ABHD2: variants seen among roughly 807,000 people sequenced by gnomAD.
ABHD2 encodes the protein monoacylglycerol lipase ABHD2.
A neutral mutation model predicts 48.1 loss-of-function variants in ABHD2; 20 were observed. The observed-to-expected ratio is 0.42, with a 90% confidence interval of 0.29 to 0.60. ABHD2 has a LOEUF of 0.60. Among genes scored for constraint, ABHD2 ranks in the 20% least tolerant of loss-of-function variants. The pLI is 0.24. For synonymous variants in ABHD2, 209 were observed against 214.2 expected (o/e 0.98, Z 0.21); for missense variants, 405 against 550.9 (o/e 0.74, Z 2.65).
chr15:89,056,724 C>G, the ABHD2 span, among the ~76,000 whole-genome samples: 1 of 152,096 alleles, frequency 6.6e-6, no homozygotes, highest in Non-Finnish European at 1.5e-5. Flanking sequence ...TCAGACCCAG[C>G]AGCACTACTT....
Position 89,089,462 on chromosome 15 carries a change from A to G in ABHD2, c.-107+899A>G, listed in dbSNP as rs115736525. Among the ~76,000 whole-genome samples the G allele has an allele frequency of 3.0e-3, 460 of 152,332 alleles. 3 individuals carry two copies. The highest frequency in any genetic ancestry group is 0.011 in the African/African-American group (438 of 41,584). On this transcript the variant is annotated intron_variant, in intron 1 of 10. Coordinates refer to ENST00000352732, the MANE Select transcript of ABHD2 (RefSeq NM_152924.5). ...GGATTATACAAAAAGATAGAGGTTT[A>G]TTTAGCCACTGTGAAACTCCTTGTA...
the ABHD2 span, chr15:89,070,292 G>C: frequency 6.6e-6 from 1 of 152,232 alleles, no homozygotes; most frequent in Non-Finnish European, 1.5e-5. Context: ...CTAAGCCTAA[G>C]TTCAGTGGGT....
chr15:89,175,996 G>T lies in ABHD2; in HGVS notation c.722+1G>T. The stretch of plus-strand genomic sequence containing the variant: ...TGTGCCAGGGGTACAGTGCACTGAG[G>T]TGAGTCATCTCCGCCTTCCATCAGG... On this transcript the variant is annotated splice_donor_variant, in intron 6 of 10. Coordinates refer to ENST00000352732, the MANE Select transcript of ABHD2 (RefSeq NM_152924.5). LOFTEE classifies it high-confidence loss of function. The surrounding 1 kb of genome is among the most constrained non-coding windows in gnomAD (Gnocchi z 5.7). 1 of 1,591,444 alleles carries T rather than the reference G, an allele frequency of 6.3e-7. No individual in the cohort carries two copies. The highest frequency in any genetic ancestry group is 8.6e-7 in the Non-Finnish European group (1 of 1,167,856).
chr15:89,154,772 C>A (rs2073149515), intron 4 of ABHD2, among the ~76,000 whole-genome samples: 1 of 152,164 alleles, frequency 6.6e-6, no homozygotes, highest in Admixed American at 6.5e-5. Flanking sequence ...ATTTATCCAA[C>A]CAGACCCCTA....
intron 1 of ABHD2, among the ~76,000 whole-genome samples, chr15:89,111,039 C>G (rs957718272): frequency 6.6e-5 from 10 of 152,200 alleles, no homozygotes; most frequent in Admixed American, 2.0e-4. Context: ...ATAGGTCTGA[C>G]TGGGTTTCCC....
At position 89,191,266 on chromosome 15, in the gene ABHD2, C is replaced by T. The variant is rs574506957; in HGVS notation, c.996+117C>T. 303 of 988,698 alleles carry T rather than the reference C, an allele frequency of 3.1e-4. 6 individuals are homozygous for T. In the South Asian group the frequency reaches 3.3e-3, roughly 11 times the overall value. The allele number at this position is 988,698 out of a possible 1,614,324, so 61.2% of individuals were successfully genotyped here. On this transcript the variant is annotated intron_variant, in intron 9 of 10. Coordinates refer to ENST00000352732, the MANE Select transcript of ABHD2 (RefSeq NM_152924.5). ...AGCTCAGCTGGAATCTGGCTCCAAC[C>T]GCTCTTTTAGCTTGGATTTGTTTAT...
chr15:89,192,509 CT>C lies in ABHD2; in HGVS notation c.997-711del, dbSNP rs767470768. On this transcript the variant is annotated intron_variant, in intron 9 of 10. Transcript: ENST00000352732. The stretch of plus-strand genomic sequence containing the variant: ...TCAACCTTCAGATTCTTTTTCTTTT[CT>C]TTTTTTTTTTTTTTAAAGAGACAGG... Among the ~76,000 whole-genome samples, 1,375 of 141,290 alleles carry C rather than the reference CT, an allele frequency of 9.7e-3. 7 individuals carry two copies. Among genetic ancestry groups the C allele is most frequent in the African/African-American group, 0.023 (899 of 38,862 alleles). The allele number at this position is 141,290 out of a possible 152,430, so 92.7% of individuals were successfully genotyped here. A position where few individuals can be genotyped will look rare whatever the true frequency, so the allele number is the denominator to read the frequency against.
the ABHD2 span, among the ~76,000 whole-genome samples, chr15:89,044,926 A>G: frequency 3.3e-5 from 5 of 150,448 alleles, no homozygotes; most frequent in Admixed American, 6.6e-5. Context: ...CCATTTGTCA[A>G]TTTTGGCTTT....
At chr15:89,086,258 C>G (rs557834620), upstream of ABHD2, among the ~76,000 whole-genome samples, 1 of 152,264 alleles carries the variant, frequency 6.6e-6, no homozygotes, top group South Asian at 2.1e-4. Context: ...AACTGCTGAC[C>G]TCAGGTGATC....
intron 1 of ABHD2, among the ~76,000 whole-genome samples, chr15:89,110,488 A>AT (rs749560500): frequency 0.02 from 2,907 of 148,404 alleles, 46 homozygotes; most frequent in Middle Eastern, 0.088. Context: ...TCCTTGCTTA[A>AT]TTTTTTTTTT....
rs1050183204 is a variant in ABHD2 at position 89,176,043 on chromosome 15, A to G, written c.722+48A>G. ...CAGGGCCTTCAGTTAGCCCTTATTTATAGAGATGCCCCGACGCACAACACA... is the reference window on the plus strand; with the variant it reads ...CAGGGCCTTCAGTTAGCCCTTATTTGTAGAGATGCCCCGACGCACAACACA... On this transcript the variant is annotated intron_variant, in intron 6 of 10. Coordinates refer to ENST00000352732, the MANE Select transcript of ABHD2 (RefSeq NM_152924.5). This position sits in a 1 kb window ranked among gnomAD's most constrained non-coding sequence, Gnocchi z 4.5. 1 of 1,528,440 alleles carries G rather than the reference A, an allele frequency of 6.5e-7. No individual in the cohort carries two copies. Among genetic ancestry groups the G allele is most frequent in the Non-Finnish European group, 8.8e-7 (1 of 1,131,792 alleles). The allele number at this position is 1,528,440 out of a possible 1,614,324, so 94.7% of individuals were successfully genotyped here.
chr15:89,084,590 C>T (rs556315842), upstream of ABHD2, among the ~76,000 whole-genome samples: 5 of 152,286 alleles, frequency 3.3e-5, no homozygotes, highest in South Asian at 2.1e-4. This position sits in a 1 kb window ranked among gnomAD's most constrained non-coding sequence, Gnocchi z 4.4. Flanking sequence ...TGAGCCACGG[C>T]GCCTGGCCCT....
chr15:89,160,079 A>G (rs796186490), intron 5 of ABHD2, among the ~76,000 whole-genome samples: 1 of 152,218 alleles, frequency 6.6e-6, no homozygotes, highest in South Asian at 2.1e-4. Context: ...TAGAGAGAGA[A>G]AGCGCTAGTG....
Position 89,097,624 on chromosome 15 carries a change from A to G in ABHD2, c.-107+9061A>G, listed in dbSNP as rs387727. ...ACTGGGTAGTCTGTCCAGTAGAGGT[A>G]TTTGTTTACTTTTGACAGATAACGC... On this transcript the variant is annotated intron_variant, in intron 1 of 10. Transcript: ENST00000352732. This position sits in a 1 kb window ranked among gnomAD's most constrained non-coding sequence, Gnocchi z 4.2. Among the ~76,000 whole-genome samples the G allele has an allele frequency of 0.36, 55,404 of 151,916 alleles. 10,641 individuals carry two copies. The highest frequency in any genetic ancestry group is 0.44 in the Non-Finnish European group (29,892 of 67,954).
chr15:89,110,539 C>T (rs1273862269), intron 1 of ABHD2, among the ~76,000 whole-genome samples: 1 of 151,884 alleles, frequency 6.6e-6, no homozygotes, highest in Non-Finnish European at 1.5e-5. Context: ...GTACAGATAG[C>T]CTTAACATAA....
chr15:89,154,988 C>T (rs191273181), intron 4 of ABHD2, among the ~76,000 whole-genome samples: 119 of 152,290 alleles, frequency 7.8e-4, no homozygotes, highest in South Asian at 4.6e-3. Context: ...GAATTTCTTA[C>T]AGAAATTAAG....
intron 1 of ABHD2, among the ~76,000 whole-genome samples, chr15:89,101,877 A>T (rs1458897595): frequency 1.3e-5 from 2 of 152,154 alleles, no homozygotes; most frequent in African/African-American, 4.8e-5. Flanking sequence ...CTTGTCCAAC[A>T]TCGCCATGGG....
chr15:89,078,888 G>A, the ABHD2 span, among the ~76,000 whole-genome samples: 9 of 152,024 alleles, frequency 5.9e-5, no homozygotes, highest in African/African-American at 2.2e-4. Flanking sequence ...CTGCCACCAA[G>A]CCTGGCTAAT....
rs954171182 is a variant in ABHD2 at position 89,092,689 on chromosome 15, C to T, written c.-107+4126C>T. 6.6e-6 allele frequency among the ~76,000 whole-genome samples: 1 copy of T among 152,182 alleles called. No homozygotes were observed. Among genetic ancestry groups the T allele is most frequent in the African/African-American group, 2.4e-5 (1 of 41,444 alleles). ...GATTTTATACATCTGTAAGCAAATT[C>T]GTTAAACATATTCTGTACACCACCC... On this transcript the variant is annotated intron_variant, in intron 1 of 10. Transcript: ENST00000352732. This position sits in a 1 kb window ranked among gnomAD's most constrained non-coding sequence, Gnocchi z 4.4.
Sources: gnomAD v4.1 joint callset for allele counts (sites outside exome capture counted in the v4.1 genomes callset) on GRCh38, gnomAD v4.1.1 for gene constraint, Gnocchi (gnomAD v3.1) non-coding constraint, MANE v1.5 for transcripts, NCBI Gene and HGNC (gene_info 2026-07-23, HGNC 2026-07-21) for gene names.